The following ASIC2 variants were observed in gnomAD, a reference collection of about 807,000 sequenced individuals.
ASIC2 encodes the protein acid-sensing ion channel 2.
Under a neutral mutation model 57.3 loss-of-function variants are expected in ASIC2, and 25 were observed. The observed-to-expected ratio is 0.44, with a 90% CI of 0.32 to 0.61. The LOEUF (loss-of-function observed/expected upper bound fraction) is 0.61. Among genes scored for constraint, ASIC2 ranks in the 20% least tolerant of loss-of-function variants. ASIC2 has a pLI of 0.06. For missense variants in ASIC2, 641 were observed against 738.1 expected (o/e 0.87, Z 1.52); for synonymous variants, 319 against 307.5 (o/e 1.04, Z -0.39).
intron 1 of ASIC2, among the ~76,000 whole-genome samples, chr17:33,418,800 C>T (rs976186894): frequency 6.6e-6 from 1 of 152,104 alleles, no homozygotes; most frequent in East Asian, 1.9e-4. Flanking sequence ...GTGTCCTTTG[C>T]AGGGACCCGG....
At chr17:33,972,804 C>G (rs976377434) in intron 1 of ASIC2, among the ~76,000 whole-genome samples, 3 of 152,264 alleles carry the variant, frequency 2.0e-5, no homozygotes, top group Non-Finnish European at 4.4e-5. Flanking sequence ...TCATAACACA[C>G]TGTGGGGACT....
At chr17:33,825,137 T>C (rs1912868100) in intron 1 of ASIC2, among the ~76,000 whole-genome samples, 1 of 152,196 alleles carries the variant, frequency 6.6e-6, no homozygotes, top group Non-Finnish European at 1.5e-5. Context: ...ATTTACCATG[T>C]CTTCTATTTT....
At chr17:33,585,830 T>A (rs566139339) in intron 1 of ASIC2, among the ~76,000 whole-genome samples, 1,528 of 152,328 alleles carry the variant, frequency 0.01, 26 homozygotes, top group African/African-American at 0.035. Context: ...TTAATTTATA[T>A]CTTTTACTTT....
intron 1 of ASIC2, among the ~76,000 whole-genome samples, chr17:33,288,952 G>T (rs1463438240): frequency 6.6e-6 from 1 of 152,122 alleles, no homozygotes; most frequent in Admixed American, 6.5e-5. Context: ...GATGACAAAG[G>T]CTAGAGACAA....
At chr17:33,074,474 A>C (rs1021615158) in intron 3 of ASIC2, among the ~76,000 whole-genome samples, 2 of 151,854 alleles carry the variant, frequency 1.3e-5, no homozygotes, top group African/African-American at 2.4e-5. Flanking sequence ...TGCTGAGCTG[A>C]CCTTCCTTCC....
intron 1 of ASIC2, among the ~76,000 whole-genome samples, chr17:33,382,296 C>CT (rs1216962468): frequency 6.6e-6 from 1 of 152,092 alleles, no homozygotes; most frequent in East Asian, 1.9e-4. Flanking sequence ...AAATGAGAAC[C>CT]TTTTTTTCGG....
At chr17:33,253,915 A>C in intron 1 of ASIC2, among the ~76,000 whole-genome samples, 1 of 152,102 alleles carries the variant, frequency 6.6e-6, no homozygotes, top group East Asian at 1.9e-4. Context: ...GGCTCTCTAC[A>C]ATTAAACCAT....
intron 1 of ASIC2, among the ~76,000 whole-genome samples, chr17:33,409,510 A>G (rs1910582112): frequency 6.6e-6 from 1 of 152,250 alleles, no homozygotes; most frequent in Admixed American, 6.5e-5. Context: ...AGAGAATGAT[A>G]GAGATGCGTG....
intron 1 of ASIC2, among the ~76,000 whole-genome samples, chr17:33,474,812 G>A (rs866099586): frequency 6.6e-6 from 1 of 151,930 alleles, no homozygotes; most frequent in Non-Finnish European, 1.5e-5. Flanking sequence ...AGTATGTACA[G>A]TGTGTGGGGT....
intron 1 of ASIC2, among the ~76,000 whole-genome samples, chr17:33,255,957 C>T (rs1431879727): frequency 1.3e-5 from 2 of 152,086 alleles, no homozygotes; most frequent in East Asian, 3.9e-4. Flanking sequence ...TTAATATTTT[C>T]CTCCATTTGC....
chr17:33,457,626 A>ATGCTGCTGC (rs892687092), intron 1 of ASIC2, among the ~76,000 whole-genome samples: 1 of 152,190 alleles, frequency 6.6e-6, no homozygotes, highest in African/African-American at 2.4e-5. Flanking sequence ...TACACTAATG[A>ATGCTGCTGC]TGCTGCTGCT....
intron 1 of ASIC2, among the ~76,000 whole-genome samples, chr17:33,575,409 T>C (rs1916587676): frequency 6.6e-6 from 1 of 152,158 alleles, no homozygotes; most frequent in African/African-American, 2.4e-5. Context: ...AAATGTAGAG[T>C]GTGATATAAA....
rs2054826788 is a variant in ASIC2, at chr17:33,350,699, G to GAAAGAAAGAAAGAAAGAAAGAAA, written c.556-238633_556-238632insTTTCTTTCTTTCTTTCTTTCTTT. Among the ~76,000 whole-genome samples the GAAAGAAAGAAAGAAAGAAAGAAA allele has an allele frequency of 4.0e-5, 6 of 151,850 alleles. No homozygotes were observed. The South Asian group carries it at 1.3e-3, about 32-fold the overall frequency. ...TCTGTGAGAAAAAAAAAGAAAGAAA[G>GAAAGAAAGAAAGAAAGAAAGAAA]AAAGAAAGAAAGAAATATTTAACCA... On this transcript the variant is annotated intron_variant, in intron 1 of 9. Coordinates refer to the ASIC2 transcript ENST00000359872.
At chr17:33,130,068 A>G (rs1218660516) in intron 1 of ASIC2, among the ~76,000 whole-genome samples, 1 of 152,048 alleles carries the variant, frequency 6.6e-6, no homozygotes, top group Non-Finnish European at 1.5e-5. Context: ...CTCCGTATGT[A>G]AGCCCCTAGT....
At chr17:33,679,630 G>A (rs1010357524) in intron 1 of ASIC2, among the ~76,000 whole-genome samples, 1 of 152,130 alleles carries the variant, frequency 6.6e-6, no homozygotes, top group Non-Finnish European at 1.5e-5. Flanking sequence ...CAGGTGAAGA[G>A]TAATGGGAGA....
intron 1 of ASIC2, among the ~76,000 whole-genome samples, chr17:33,339,032 C>A (rs116497990): frequency 3.9e-5 from 6 of 151,950 alleles, no homozygotes; most frequent in African/African-American, 1.5e-4. Context: ...CACTACTGAA[C>A]TGTACATTGA....
At chr17:33,860,275 G>A (rs188411103) in intron 1 of ASIC2, among the ~76,000 whole-genome samples, 25 of 152,306 alleles carry the variant, frequency 1.6e-4, no homozygotes, top group African/African-American at 5.5e-4. Flanking sequence ...GAAGAGAAGG[G>A]CAGGCTGCCT....
chr17:34,130,245 A>AG (rs547005151), intron 1 of ASIC2, among the ~76,000 whole-genome samples: 29,192 of 152,198 alleles, frequency 0.19, 3,453 homozygotes, highest in South Asian at 0.36. Context: ...CACCCAGCAA[A>AG]GCTCCTTAAA....
At chr17:33,561,567 C>T (rs1916073957) in intron 1 of ASIC2, among the ~76,000 whole-genome samples, 1 of 152,216 alleles carries the variant, frequency 6.6e-6, no homozygotes, top group South Asian at 2.1e-4. Context: ...GTGGACTCTT[C>T]TTCCACTGTC....
Sources: allele counts gnomAD v4.1 joint callset (sites outside exome capture counted in the v4.1 genomes callset), GRCh38; gene constraint gnomAD v4.1.1; transcripts MANE v1.5; gene names NCBI Gene and HGNC (gene_info 2026-07-23, HGNC 2026-07-21).